The following SLK variants were observed in gnomAD, a reference collection of about 807,000 sequenced individuals.
The protein encoded by SLK is STE20 like kinase.
A neutral mutation model predicts 147.7 loss-of-function variants in SLK; 67 were observed. That is an observed-to-expected ratio of 0.45 (90% CI 0.37 to 0.56). SLK has a LOEUF of 0.56. Ranked by LOEUF, SLK falls within the 20% of genes least tolerant of loss-of-function variation. The pLI, the probability that SLK is intolerant of heterozygous loss-of-function variation, is 0.00. For missense variants in SLK, 1,136 were observed against 1,438.8 expected (o/e 0.79, Z 3.41); for synonymous variants, 441 against 475.0 (o/e 0.93, Z 0.93).
chr10:103,993,276 T>G, intron 4 of SLK, 143 bp downstream of exon 4: 1 of 492,600 alleles, frequency 2.0e-6, no homozygotes, highest in Non-Finnish European at 3.5e-6. Context: ...AAAAACACTT[T>G]TTTAGGTAAA....
Position 104,021,712 on chromosome 10 carries a change from G to A in SLK, c.3540G>A (p.Glu1180=). Residue 1180 remains glutamate (E), a synonymous_variant, in exon 18 of 19, where the codon GAG becomes GAA. Coordinates refer to ENST00000369755, the MANE Select transcript of SLK (RefSeq NM_014720.4). ...EHSQELKEWR[E]KLRPRKKTLE... ...GCCAAGAATTAAAGGAGTGGAGAGA[G>A]AAATTGAGACCTAGGAAAAAGGTAA... 6.3e-7 allele frequency: 1 copy of A among 1,592,790 alleles called. No homozygotes were observed. The highest frequency in any genetic ancestry group is 8.6e-7 in the Non-Finnish European group (1 of 1,162,548).
rs956193018 is a variant in SLK at position 104,005,480 on chromosome 10, G to C, written c.2350-81G>C. On this transcript the variant is annotated intron_variant, in intron 9 of 18. Transcript: ENST00000369755. ...CAGTTGTTTTGTTTTAAAAAAGAAA[G>C]AAATGTTTAAGGAAGAAGAAAATGT... 5 of 1,303,664 alleles carry C rather than the reference G, an allele frequency of 3.8e-6. No individual in the cohort carries two copies. In the African/African-American group the frequency reaches 4.5e-5, roughly 12 times the overall value. 80.8% of individuals were successfully genotyped at this position (1,303,664 alleles called of 1,614,324 possible).
intron 18 of SLK, among the ~76,000 whole-genome samples, chr10:104,022,081 G>A (rs1200347383): frequency 6.6e-6 from 1 of 152,144 alleles, no homozygotes; most frequent in Non-Finnish European, 1.5e-5. Flanking sequence ...CTTGCTAAGC[G>A]GATGGGCTGA....
chr10:104,022,065 T>G (rs1564664979), intron 18 of SLK, among the ~76,000 whole-genome samples: 1 of 151,926 alleles, frequency 6.6e-6, no homozygotes, highest in Non-Finnish European at 1.5e-5. Flanking sequence ...GAAGGGTGAG[T>G]AAGAACTTGC....
chr10:103,983,997 T>C (rs1396442107), intron 1 of SLK, among the ~76,000 whole-genome samples: 16 of 152,238 alleles, frequency 1.1e-4, no homozygotes, highest in Admixed American at 1.0e-3. Context: ...AGCTTTTGCC[T>C]GTAGTTGTTA....
chr10:103,995,414 CTTTCT>C (rs1185884805), intron 4 of SLK, among the ~76,000 whole-genome samples: 40 of 125,354 alleles, frequency 3.2e-4, no homozygotes, highest in African/African-American at 1.1e-3. Context: ...TTTTTCTTTT[CTTTCT>C]TTTCTTTTTT....
In SLK at chr10:104,013,356, C is replaced by T. The variant is rs552162399; in HGVS notation, c.2877+2448C>T. 3.9e-5 allele frequency among the ~76,000 whole-genome samples: 6 copies of T among 152,296 alleles called. 1 individual carries two copies. The South Asian group carries it at 1.2e-3, about 32-fold the overall frequency. ...CCTGCTTCTGCTTCAACTCAAGCAA[C>T]ACCACTTTTGCTGTGGTTTATAAAC... On this transcript the variant is annotated intron_variant, in intron 13 of 18. Transcript: ENST00000369755.
At chr10:103,998,838 A>T (rs1302612329) in intron 4 of SLK, 61 bp from the exon 5 acceptor site, 1 of 1,199,588 alleles carries the variant, frequency 8.3e-7, no homozygotes, top group South Asian at 1.3e-5. Context: ...TTTTCTCCCC[A>T]TTGAATACAA....
At chr10:103,975,983 C>T (rs1032574402) in intron 1 of SLK, among the ~76,000 whole-genome samples, 3 of 152,106 alleles carry the variant, frequency 2.0e-5, no homozygotes, top group South Asian at 2.1e-4. Flanking sequence ...TGCAGTGGCG[C>T]GATCAACTCC....
chr10:103,999,151 C>G lies in SLK; in HGVS notation c.620C>G (p.Ser207Cys). ...CCTGAAGTAGTCATGTGTGAAACAT[C>G]TAAGGACAGACCCTATGACTACAAA... ...MAPEVVMCET[S>C]KDRPYDYKAD... The change falls in exon 6 of 19, where the codon TCT (serine) becomes TGT (cysteine). Residue 207 changes from serine (S) to cysteine (C), a missense_variant. Physicochemically the swap from Ser to Cys is moderately radical, Grantham distance 112 (BLOSUM62 -1). This residue lies in a region of SLK where 141 missense variants were observed against 219.3 expected (regional missense o/e 0.64). Transcript: ENST00000369755. 2 of 1,611,808 alleles carry G rather than the reference C, an allele frequency of 1.2e-6. No individual in the cohort carries two copies. Among genetic ancestry groups the G allele is most frequent in the Non-Finnish European group, 1.7e-6 (2 of 1,179,070 alleles).
At chr10:103,999,678 A>G (rs1413906944) in intron 6 of SLK, among the ~76,000 whole-genome samples, 189 bp from the exon 7 acceptor site, 1 of 152,166 alleles carries the variant, frequency 6.6e-6, no homozygotes, top group Non-Finnish European at 1.5e-5. Flanking sequence ...CTACTTACAT[A>G]TATGTCTAAC....
chr10:104,001,426 C>A lies in SLK; in HGVS notation c.865-18C>A. On this transcript the variant is annotated intron_variant, in intron 7 of 18. Coordinates refer to ENST00000369755, the MANE Select transcript of SLK (RefSeq NM_014720.4). ...TAGTATTCCAGTTGTTGAGTATGTT[C>A]TTTTTAATGATCAACAGCATCCCTT... is the stretch of plus-strand genomic sequence containing the variant. 1 of 1,607,296 alleles carries A rather than the reference C, an allele frequency of 6.2e-7. No individual in the cohort carries two copies. Among genetic ancestry groups the A allele is most frequent in the Middle Eastern group, 1.7e-4 (1 of 6,042 alleles).
In SLK at chr10:103,999,370, T is replaced by C. The variant is rs1389331714; in HGVS notation, c.782+57T>C. On this transcript the variant is annotated intron_variant, in intron 6 of 18. Transcript: ENST00000369755. Reference sequence around the variant, plus strand: ...AACAAATGATACTAGGAAGCAGAACTTGATGTTATATTCTCACAATTTTCC... The same window carrying C: ...AACAAATGATACTAGGAAGCAGAACCTGATGTTATATTCTCACAATTTTCC... 6 of 1,263,120 alleles carry C rather than the reference T, an allele frequency of 4.8e-6. No individual in the cohort carries two copies. The South Asian group carries it at 5.9e-5, about 12-fold the overall frequency. 78.2% of individuals were successfully genotyped at this position (1,263,120 alleles called of 1,614,324 possible).
At chr10:104,019,051 G>GA in intron 15 of SLK, 143 bp downstream of exon 15, 1 of 772,204 alleles carries the variant, frequency 1.3e-6, no homozygotes, top group Non-Finnish European at 2.0e-6. Context: ...ATGAAGTTTG[G>GA]AGTAATTAAT....
At chr10:103,992,525 G>A in intron 2 of SLK, 73 bp from the exon 3 acceptor site, 1 of 1,377,232 alleles carries the variant, frequency 7.3e-7, no homozygotes, top group Non-Finnish European at 9.8e-7. Flanking sequence ...TTGCTAAGCT[G>A]AAGAAAAAAT....
In SLK at chr10:103,967,754, C is replaced by A. The variant is rs755836378; in HGVS notation, c.9C>A (p.Phe3Leu). 6.2e-7 allele frequency: 1 copy of A among 1,614,042 alleles called. No individual in the cohort carries two copies. The highest frequency in any genetic ancestry group is 1.1e-5 in the South Asian group (1 of 91,080). MSFFNFRKIFKLG... is the reference protein window; with the variant it reads MSLFNFRKIFKLG... ...CTGTGTTGGGAGGAAAAATGTCCTT[C>A]TTCAATTTCCGTAAGATCTTCAAGT... Residue 3 changes from phenylalanine (F) to leucine (L), a missense_variant, in exon 1 of 19, where the codon TTC (phenylalanine) becomes TTA (leucine). This residue lies in a region of SLK where 126 missense variants were observed against 141.3 expected (regional missense o/e 0.89). Transcript: ENST00000369755.
In SLK at chr10:104,006,050, T is replaced by G. The variant is rs1844321186; in HGVS notation, c.2604+15T>G. 6.2e-7 allele frequency: 1 copy of G among 1,601,334 alleles called. No individual in the cohort carries two copies. The highest frequency in any genetic ancestry group is 1.4e-5 in the African/African-American group (1 of 74,018). On this transcript the variant is annotated intron_variant, in intron 11 of 18. Coordinates refer to ENST00000369755, the MANE Select transcript of SLK (RefSeq NM_014720.4). ...AGGAAATGATGGTAAAGTCTGATTG[T>G]TATACCATTTTATATCATTTTGTGT...
intron 1 of SLK, among the ~76,000 whole-genome samples, chr10:103,968,190 T>A (rs1843744456): frequency 6.6e-6 from 1 of 152,106 alleles, no homozygotes; most frequent in South Asian, 2.1e-4. Flanking sequence ...ATAGGAGGGG[T>A]CTGGTTGTGC....
At chr10:104,007,718 C>T (rs998544881) in intron 11 of SLK, among the ~76,000 whole-genome samples, 1 of 151,304 alleles carries the variant, frequency 6.6e-6, no homozygotes, top group Non-Finnish European at 1.5e-5. Flanking sequence ...ATTGCTTGAG[C>T]GCAGAAGTTT....
Sources: allele counts gnomAD v4.1 joint callset (sites outside exome capture counted in the v4.1 genomes callset), GRCh38; gene constraint gnomAD v4.1.1; regional missense constraint gnomAD v4.1.1; transcripts MANE v1.5; gene names NCBI Gene and HGNC (gene_info 2026-07-23, HGNC 2026-07-21).